EIF2S2: variants seen among roughly 807,000 people sequenced by gnomAD.
The protein encoded by EIF2S2 is eukaryotic translation initiation factor 2 subunit beta.
In EIF2S2, 4 loss-of-function variants were observed where a neutral mutation model predicts 44.0. The observed-to-expected ratio is 0.09, with a 90% CI of 0.04 to 0.21. EIF2S2 has a LOEUF of 0.21. Among genes scored for constraint, EIF2S2 ranks in the 10% least tolerant of loss-of-function variants. EIF2S2 has a pLI of 1.00. For synonymous variants in EIF2S2, 108 were observed against 128.3 expected (o/e 0.84, Z 1.07); for missense variants, 154 against 392.0 (o/e 0.39, Z 5.13).
In EIF2S2 at chr20:34,091,775, T is replaced by TC. The variant is rs2034167100; in HGVS notation, c.741-1174_741-1173insG. On this transcript the variant is annotated intron_variant, in intron 7 of 8. Coordinates refer to ENST00000374980, the MANE Select transcript of EIF2S2 (RefSeq NM_003908.5). ...ATATTATTTATATATATTTATTTTT[T>TC]TGGGGGGGGGGGGTCCAAGGGTGGA... is the stretch of plus-strand genomic sequence containing the variant. Among the ~76,000 whole-genome samples the TC allele has an allele frequency of 3.0e-5, 2 of 65,798 alleles. 1 individual carries two copies. Among genetic ancestry groups the TC allele is most frequent in the Non-Finnish European group, 5.4e-5 (2 of 36,754 alleles). 43.2% of individuals were successfully genotyped at this position (65,798 alleles called of 152,430 possible). A position where few individuals can be genotyped will look rare whatever the true frequency, so the allele number is the denominator to read the frequency against.
At chr20:34,100,677 G>C (rs2034285418) in intron 3 of EIF2S2, among the ~76,000 whole-genome samples, 1 of 152,136 alleles carries the variant, frequency 6.6e-6, no homozygotes, top group Non-Finnish European at 1.5e-5. Flanking sequence ...CAGTCAGCCT[G>C]GCACCAGTCT....
At chr20:34,098,855 G>A (rs1346100030) in intron 3 of EIF2S2, among the ~76,000 whole-genome samples, 1 of 152,066 alleles carries the variant, frequency 6.6e-6, no homozygotes, top group African/African-American at 2.4e-5. Flanking sequence ...GACGTGGGCT[G>A]ACATTATTTT....
chr20:34,112,162 C>T lies in EIF2S2; in HGVS notation c.-52G>A. 1 of 1,508,490 alleles carries T rather than the reference C, an allele frequency of 6.6e-7. No homozygotes were observed. Among genetic ancestry groups the T allele is most frequent in the Non-Finnish European group, 8.9e-7 (1 of 1,120,872 alleles). 93.4% of individuals were successfully genotyped at this position (1,508,490 alleles called of 1,614,324 possible). A position where few individuals can be genotyped will look rare whatever the true frequency, so the allele number is the denominator to read the frequency against. On this transcript the variant is annotated 5_prime_UTR_variant, in exon 1 of 9. Coordinates refer to ENST00000374980, the MANE Select transcript of EIF2S2 (RefSeq NM_003908.5). Reference sequence around the variant, plus strand: ...GGACGGGAAGTCAGACGGGTCAGCCCCAGGCCCCGGCGGCAGCGCTGCCCC... The same window carrying T: ...GGACGGGAAGTCAGACGGGTCAGCCTCAGGCCCCGGCGGCAGCGCTGCCCC...
intron 4 of EIF2S2, among the ~76,000 whole-genome samples, chr20:34,098,229 A>G (rs2034253978): frequency 6.6e-6 from 1 of 151,812 alleles, no homozygotes; most frequent in Non-Finnish European, 1.5e-5. Flanking sequence ...CTGGGCGACA[A>G]GAGTGAGACT....
At chr20:34,098,880 T>C (rs955544234) in intron 3 of EIF2S2, among the ~76,000 whole-genome samples, 2 of 152,062 alleles carry the variant, frequency 1.3e-5, no homozygotes, top group African/African-American at 4.8e-5. Flanking sequence ...GGGAAAAAAA[T>C]CACATATTCA....
rs571120127 is a variant in EIF2S2, at chr20:34,097,050, C to A, written c.535-245G>T. ...TGAACAACCACTCATTCTGTTGTTTCTATGGCAAAGTACATGATACATGGA... is the reference window on the plus strand; with the variant it reads ...TGAACAACCACTCATTCTGTTGTTTATATGGCAAAGTACATGATACATGGA... On this transcript the variant is annotated intron_variant, in intron 5 of 8. Transcript: ENST00000374980. Among the ~76,000 whole-genome samples, 10 of 152,328 alleles carry A rather than the reference C, an allele frequency of 6.6e-5. No homozygotes were observed. The South Asian group carries it at 1.9e-3, about 28-fold the overall frequency.
At chr20:34,091,778 G>GTTT (rs2034167780) in intron 7 of EIF2S2, among the ~76,000 whole-genome samples, 1 of 85,806 alleles carries the variant, frequency 1.2e-5, no homozygotes, top group African/African-American at 3.7e-5. Context: ...TATTTTTTTG[G>GTTT]GGGGGGGGGG....
chr20:34,094,528 A>G (rs573759023), intron 6 of EIF2S2, among the ~76,000 whole-genome samples: 5 of 152,302 alleles, frequency 3.3e-5, no homozygotes, highest in African/African-American at 1.2e-4. Context: ...TAATAAATAT[A>G]TATGTTAATC....
intron 7 of EIF2S2, among the ~76,000 whole-genome samples, chr20:34,091,853 G>A (rs535868880): frequency 6.7e-6 from 1 of 150,274 alleles, no homozygotes; most frequent in African/African-American, 2.4e-5. Context: ...AGAGACGGAC[G>A]TCCGAGTGGG....
At chr20:34,090,157 C>T (rs2034146496) in intron 8 of EIF2S2, among the ~76,000 whole-genome samples, 1 of 152,214 alleles carries the variant, frequency 6.6e-6, no homozygotes, top group African/African-American at 2.4e-5. Context: ...TGCTTATTCT[C>T]GTTTCTGTCT....
intron 7 of EIF2S2, among the ~76,000 whole-genome samples, chr20:34,092,467 G>A (rs546855400): frequency 2.0e-5 from 3 of 152,268 alleles, no homozygotes; most frequent in South Asian, 4.1e-4. Flanking sequence ...TCAGGAAATC[G>A]AGACCATCCT....
At chr20:34,095,335 G>C (rs1025477000) in intron 6 of EIF2S2, among the ~76,000 whole-genome samples, 11 of 136,536 alleles carry the variant, frequency 8.1e-5, no homozygotes, top group African/African-American at 3.2e-4. Context: ...TTTTTTGACA[G>C]AGTCTCACAC....
chr20:34,092,590 C>T (rs2034179498), intron 7 of EIF2S2, among the ~76,000 whole-genome samples: 1 of 152,184 alleles, frequency 6.6e-6, no homozygotes, highest in African/African-American at 2.4e-5. Context: ...ATGGCATGAA[C>T]CCGGGAAGCA....
chr20:34,111,849 C>T (rs2034416986), intron 1 of EIF2S2, among the ~76,000 whole-genome samples: 1 of 152,256 alleles, frequency 6.6e-6, no homozygotes, highest in Non-Finnish European at 1.5e-5. Flanking sequence ...TCAACGTGTG[C>T]TCTCCATTCC....
At chr20:34,093,332 A>G (rs1392484003) in intron 7 of EIF2S2, among the ~76,000 whole-genome samples, 2 of 152,086 alleles carry the variant, frequency 1.3e-5, no homozygotes, top group Non-Finnish European at 2.9e-5. Context: ...CCAATTTAGG[A>G]AAAAAAAGTC....
intron 7 of EIF2S2, among the ~76,000 whole-genome samples, chr20:34,091,081 G>T (rs1001501457): frequency 6.6e-6 from 1 of 152,072 alleles, no homozygotes. Flanking sequence ...AATAGTTTGC[G>T]TCTAATGATG....
At chr20:34,091,675 C>T (rs1361280643) in intron 7 of EIF2S2, among the ~76,000 whole-genome samples, 1 of 147,198 alleles carries the variant, frequency 6.8e-6, no homozygotes, top group Non-Finnish European at 1.5e-5. Flanking sequence ...CCAAGATCCA[C>T]GCCACTGCAC....
chr20:34,103,691 A>G, intron 2 of EIF2S2, 126 bp from the exon 3 acceptor site: 2 of 1,311,138 alleles, frequency 1.5e-6, no homozygotes, highest in Non-Finnish European at 2.0e-6. Flanking sequence ...GTCCCTCCAC[A>G]ATCACAAAAC....
intron 3 of EIF2S2, 64 bp from the exon 4 acceptor site, chr20:34,098,697 A>T: frequency 6.5e-7 from 1 of 1,547,898 alleles, no homozygotes. Context: ...TTATTTTATT[A>T]CATTTTCTGT....
Sources: gnomAD v4.1 joint callset for allele counts (sites outside exome capture counted in the v4.1 genomes callset) on GRCh38, gnomAD v4.1.1 for gene constraint, MANE v1.5 for transcripts, NCBI Gene and HGNC (gene_info 2026-07-23, HGNC 2026-07-21) for gene names.